The following MYOM1 variants were observed in gnomAD, a reference collection of about 807,000 sequenced individuals.
The protein encoded by MYOM1 is myomesin-1.
Under a neutral mutation model 205.3 loss-of-function variants are expected in MYOM1, and 164 were observed. The ratio of observed to expected loss-of-function variants is 0.80; its 90% CI spans 0.70 to 0.91. MYOM1 has a LOEUF of 0.91. Among genes scored for constraint, MYOM1 ranks in the 40% least tolerant of loss-of-function variants. The pLI is 0.00. For missense variants in MYOM1, 2,011 were observed against 2,127.3 expected, an observed-to-expected ratio of 0.95 and a Z score of 1.08; for synonymous variants, 772 against 789.4, an observed-to-expected ratio of 0.98 and a Z score of 0.37.
At chr18:3,105,631 G>A (rs1174409497) in intron 22 of MYOM1, among the ~76,000 whole-genome samples, 1 of 152,114 alleles carries the variant, frequency 6.6e-6, no homozygotes, top group Non-Finnish European at 1.5e-5. Flanking sequence ...GTGGCAGGGG[G>A]ATCACTTGAG....
chr18:3,145,205 G>C (rs1457457266), intron 13 of MYOM1, among the ~76,000 whole-genome samples: 1 of 151,924 alleles, frequency 6.6e-6, no homozygotes, highest in Non-Finnish European at 1.5e-5. Flanking sequence ...GCTACTCATG[G>C]GGGCTGAAGC....
chr18:3,233,951 T>C, the MYOM1 span, among the ~76,000 whole-genome samples: 3 of 152,250 alleles, frequency 2.0e-5, no homozygotes, highest in African/African-American at 7.2e-5. Flanking sequence ...CAGATCAATA[T>C]AGCACAGAGG....
In MYOM1 at chr18:3,129,637, G is replaced by C. The variant is rs539862896; in HGVS notation, c.2507-118C>G. 5.7e-4 allele frequency: 639 copies of C among 1,122,588 alleles called. 1 individual carries two copies. The highest frequency in any genetic ancestry group is 7.0e-4 in the Non-Finnish European group (579 of 822,044). 69.5% of individuals were successfully genotyped at this position (1,122,588 alleles called of 1,614,324 possible). A position where few individuals can be genotyped will look rare whatever the true frequency, so the allele number is the denominator to read the frequency against. ...CACAAGCAGAACAAAAACAGTCTTG[G>C]CTTAAAGAAAATCGCTCACATTTGC... On this transcript the variant is annotated intron_variant, in intron 17 of 37. Transcript: ENST00000356443.
rs543865801 is a variant in MYOM1, at chr18:3,135,427, C to G, written c.2209+120G>C. 1.2e-4 allele frequency: 103 copies of G among 864,766 alleles called. No individual in the cohort carries two copies. In the African/African-American group the frequency reaches 1.7e-3, roughly 14 times the overall value. 53.6% of individuals were successfully genotyped at this position (864,766 alleles called of 1,614,324 possible). A position where few individuals can be genotyped will look rare whatever the true frequency, so the allele number is the denominator to read the frequency against. ...TAATGTATAGGTTAAGTACAGCCAT[C>G]GAGTAAATTTATAATATGAAAGAAG... On this transcript the variant is annotated intron_variant, in intron 15 of 37. Coordinates refer to ENST00000356443, the MANE Select transcript of MYOM1 (RefSeq NM_003803.4). The surrounding 1 kb of genome is among the most constrained non-coding windows in gnomAD (Gnocchi z 4.1).
intron 29 of MYOM1, among the ~76,000 whole-genome samples, chr18:3,086,770 A>AT (rs1285451764): frequency 2.0e-5 from 3 of 152,002 alleles, no homozygotes; most frequent in Non-Finnish European, 4.4e-5. Flanking sequence ...CAATGCTTGA[A>AT]TTTTTTTTAC....
chr18:3,120,142 G>T, intron 19 of MYOM1, 147 bp from the exon 20 acceptor site: 3 of 1,128,906 alleles, frequency 2.7e-6, no homozygotes, highest in Admixed American at 2.9e-5. Context: ...TAATCTCCTG[G>T]GTGTGGATGA....
intron 29 of MYOM1, 31 bp from the exon 30 acceptor site, chr18:3,086,182 A>T: frequency 1.4e-6 from 2 of 1,408,636 alleles, no homozygotes; most frequent in Non-Finnish European, 2.0e-6. Context: ...ACTTTTCTTA[A>T]AATAAGAAAG....
intron 13 of MYOM1, among the ~76,000 whole-genome samples, chr18:3,147,646 G>C (rs2080149305): frequency 6.6e-6 from 1 of 152,098 alleles, no homozygotes; most frequent in Admixed American, 6.6e-5. Flanking sequence ...TGGTATTGAT[G>C]GAAGGGGAAA....
chr18:3,184,241 T>C (rs2080779035), intron 5 of MYOM1, among the ~76,000 whole-genome samples: 1 of 152,258 alleles, frequency 6.6e-6, no homozygotes, highest in South Asian at 2.1e-4. Context: ...CCCAGGAATA[T>C]ATACTAATCC....
rs184837150 is a variant in MYOM1, at chr18:3,196,904, C to T, written c.291-2946G>A. 2.4e-3 allele frequency among the ~76,000 whole-genome samples: 358 copies of T among 152,228 alleles called. 1 individual carries two copies. The highest frequency in any genetic ancestry group is 3.6e-3 in the Non-Finnish European group (246 of 68,008). On this transcript the variant is annotated intron_variant, in intron 2 of 37. Coordinates refer to ENST00000356443, the MANE Select transcript of MYOM1 (RefSeq NM_003803.4). ...TCATAACCACCTACTTGTTCAACTT[C>T]GTAACAGGAAAAGCAAGAACAAAAC...
rs1365748772 is a variant in MYOM1, at chr18:3,168,957, G to A, written c.1199C>T (p.Ala400Val). The A allele has an allele frequency of 6.2e-7, 1 of 1,612,990 alleles. No individual in the cohort carries two copies. Among genetic ancestry groups the A allele is most frequent in the Admixed American group, 1.7e-5 (1 of 59,884 alleles). ...ATCAAAGTGGATCTCAAACCGGGAT[G>A]CATAACCATATGGGGTCACACCAAC... ...LSFGVTPYGY[A>V]SRFEIHFDDK... Residue 400 changes from alanine (A) to valine (V), a missense_variant, in exon 9 of 38, where the codon GCA (alanine) becomes GTA (valine). Transcript: ENST00000356443.
chr18:3,124,270 G>T (rs1305612973), intron 19 of MYOM1, among the ~76,000 whole-genome samples: 1 of 150,400 alleles, frequency 6.6e-6, no homozygotes, highest in Non-Finnish European at 1.5e-5. Flanking sequence ...TACCCCTGCA[G>T]AATAGCAGGC....
upstream of MYOM1, among the ~76,000 whole-genome samples, chr18:3,223,002 C>A (rs1433386965): frequency 6.6e-6 from 1 of 152,150 alleles, no homozygotes; most frequent in Non-Finnish European, 1.5e-5. Flanking sequence ...CCCACCTCAG[C>A]CTCCCGAGTA....
At chr18:3,164,124 T>C (rs2080435880) in intron 10 of MYOM1, among the ~76,000 whole-genome samples, 154 bp downstream of exon 10, 1 of 152,216 alleles carries the variant, frequency 6.6e-6, no homozygotes, top group Non-Finnish European at 1.5e-5. Flanking sequence ...CCCAAAGTGC[T>C]GGGATTACAG....
chr18:3,174,239 C>T (rs976113289), intron 6 of MYOM1, 31 bp from the exon 7 acceptor site: 10 of 1,578,778 alleles, frequency 6.3e-6, no homozygotes, highest in African/African-American at 5.4e-5. Flanking sequence ...GAATATCCAT[C>T]GTAGTGACAA....
intron 27 of MYOM1, 80 bp downstream of exon 27, chr18:3,090,578 A>G: frequency 6.5e-7 from 1 of 1,549,896 alleles, no homozygotes; most frequent in Non-Finnish European, 8.8e-7. Flanking sequence ...TACCTTTCAA[A>G]TAACAACTTT....
intron 3 of MYOM1, among the ~76,000 whole-genome samples, chr18:3,192,454 A>T (rs2080924425): frequency 6.6e-6 from 1 of 152,264 alleles, no homozygotes; most frequent in African/African-American, 2.4e-5. Context: ...TTAGCCTCTG[A>T]CACAAGTCAG....
chr18:3,217,194 A>G (rs1354047355), intron 1 of MYOM1: 1 of 152,308 alleles, frequency 6.6e-6, no homozygotes, highest in East Asian at 1.9e-4. Flanking sequence ...GCGCTTAGCT[A>G]TGATAGCCCG....
intron 5 of MYOM1, among the ~76,000 whole-genome samples, chr18:3,186,881 A>G (rs1028512345): frequency 6.6e-6 from 1 of 150,960 alleles, no homozygotes; most frequent in Non-Finnish European, 1.5e-5. Context: ...GGAGAGAGAG[A>G]AAGAAAGAAA....
Sources: allele counts gnomAD v4.1 joint callset (sites outside exome capture counted in the v4.1 genomes callset), GRCh38; gene constraint gnomAD v4.1.1; non-coding constraint Gnocchi (gnomAD v3.1); transcripts MANE v1.5; gene names NCBI Gene and HGNC (gene_info 2026-07-23, HGNC 2026-07-21).